STAG1: variants seen among roughly 807,000 people sequenced by gnomAD.
STAG1 encodes STAG1 cohesin complex component, also known as cohesin subunit SA-1.
Under a neutral mutation model 170.9 loss-of-function variants are expected in STAG1, and 26 were observed. The observed-to-expected ratio is 0.15, with a 90% CI of 0.11 to 0.21. The LOEUF is 0.21. Among genes scored for constraint, STAG1 ranks in the 10% least tolerant of loss-of-function variants. The pLI, the probability that STAG1 is intolerant of heterozygous loss-of-function variation, is 1.00. For synonymous variants in STAG1, 514 were observed against 497.7 expected (o/e 1.03, Z -0.44); for missense variants, 964 against 1,509.5 (o/e 0.64, Z 5.99).
At chr3:136,723,821 G>A (rs1482966490) in intron 1 of STAG1, among the ~76,000 whole-genome samples, 132 of 139,934 alleles carry the variant, frequency 9.4e-4, no homozygotes, top group African/African-American at 3.3e-3. Context: ...CGCCCCGTCC[G>A]GGAGGGAGGT....
At chr3:136,714,140 C>T (rs113029737) in intron 1 of STAG1, among the ~76,000 whole-genome samples, 179 of 151,956 alleles carry the variant, frequency 1.2e-3, no homozygotes, top group African/African-American at 2.5e-3. Context: ...ATTGCATCAC[C>T]GCACTCCAGC....
intron 1 of STAG1, among the ~76,000 whole-genome samples, chr3:136,649,902 G>A (rs532450483): frequency 6.6e-6 from 1 of 151,888 alleles, no homozygotes; most frequent in South Asian, 2.1e-4. Flanking sequence ...TGAGTAGCTG[G>A]GACTACAGGC....
intron 9 of STAG1, among the ~76,000 whole-genome samples, chr3:136,492,891 G>C (rs1293783560): frequency 6.6e-6 from 1 of 152,128 alleles, no homozygotes; most frequent in Non-Finnish European, 1.5e-5. Flanking sequence ...AGGTGGGTTA[G>C]TAACTAATGT....
chr3:136,395,724 C>T (rs1032488782), intron 22 of STAG1, among the ~76,000 whole-genome samples: 2 of 152,128 alleles, frequency 1.3e-5, no homozygotes, highest in Non-Finnish European at 2.9e-5. Context: ...TCTAAATTTG[C>T]TAAATGCAAT....
chr3:136,689,903 G>A (rs111264041), intron 1 of STAG1, among the ~76,000 whole-genome samples: 11 of 151,828 alleles, frequency 7.2e-5, no homozygotes, highest in African/African-American at 1.9e-4. Flanking sequence ...TTAGCCAGGC[G>A]TGGTGGCGCA....
At chr3:136,569,920 A>T (rs1251564756) in intron 4 of STAG1, among the ~76,000 whole-genome samples, 1 of 152,146 alleles carries the variant, frequency 6.6e-6, no homozygotes, top group East Asian at 1.9e-4. Context: ...AAAGTCTGAG[A>T]GTCTTGCCAA....
At chr3:136,592,780 G>A (rs541926409) in intron 4 of STAG1, among the ~76,000 whole-genome samples, 7 of 152,168 alleles carry the variant, frequency 4.6e-5, no homozygotes, top group Non-Finnish European at 8.8e-5. Flanking sequence ...ACTGCATTCT[G>A]GGGCTGCCAC....
chr3:136,526,807 G>C (rs1179442936), intron 6 of STAG1, among the ~76,000 whole-genome samples: 1 of 152,136 alleles, frequency 6.6e-6, no homozygotes, highest in Non-Finnish European at 1.5e-5. Flanking sequence ...AAATCTCTTA[G>C]CATTTGTTTG....
At chr3:136,423,147 T>G (rs2088008776) in intron 16 of STAG1, 103 bp from the exon 17 acceptor site, 4 of 701,646 alleles carry the variant, frequency 5.7e-6, no homozygotes, top group Non-Finnish European at 8.8e-6. Context: ...ACCACAAATT[T>G]TAAGAGAAAC....
At chr3:136,583,525 A>G (rs1937649586) in intron 4 of STAG1, among the ~76,000 whole-genome samples, 1 of 152,194 alleles carries the variant, frequency 6.6e-6, no homozygotes, top group Non-Finnish European at 1.5e-5. Context: ...GCAGTAGCTC[A>G]TGCCTGTAAT....
chr3:136,545,763 T>C (rs1017943304), intron 5 of STAG1, among the ~76,000 whole-genome samples: 1 of 152,170 alleles, frequency 6.6e-6, no homozygotes, highest in East Asian at 1.9e-4. Context: ...TTTTGATACT[T>C]ATAAATTTTT....
chr3:136,719,030 G>A lies in STAG1; in HGVS notation c.-84+33165C>T, dbSNP rs141087730. Among the ~76,000 whole-genome samples the A allele has an allele frequency of 4.7e-3, 720 of 152,186 alleles. 3 individuals are homozygous for A. Among genetic ancestry groups the A allele is most frequent in the Middle Eastern group, 0.017 (5 of 294 alleles). Reference sequence around the variant, plus strand: ...TTAAACATAAATTTACTACATGACCGAGCAATTCCAATCCTAGGTATCTGC... The same window carrying A: ...TTAAACATAAATTTACTACATGACCAAGCAATTCCAATCCTAGGTATCTGC... On this transcript the variant is annotated intron_variant, in intron 1 of 33. Coordinates refer to ENST00000383202, the MANE Select transcript of STAG1 (RefSeq NM_005862.3).
At chr3:136,474,421 C>T (rs2089695851) in intron 10 of STAG1, among the ~76,000 whole-genome samples, 1 of 152,196 alleles carries the variant, frequency 6.6e-6, no homozygotes. Context: ...CACCCTGATA[C>T]TCAGGTTTCT....
At chr3:136,467,981 T>G (rs1389572424) in intron 12 of STAG1, among the ~76,000 whole-genome samples, 1 of 150,440 alleles carries the variant, frequency 6.6e-6, no homozygotes, top group Non-Finnish European at 1.5e-5. Context: ...GGCACAAACC[T>G]GAATCTTTGG....
chr3:136,448,911 C>G (rs1383541740), intron 14 of STAG1, among the ~76,000 whole-genome samples: 4 of 151,466 alleles, frequency 2.6e-5, no homozygotes, highest in African/African-American at 9.7e-5. Flanking sequence ...TGCACTCCAG[C>G]AAGACTCCAT....
At chr3:136,601,745 G>A (rs1938686751) in intron 4 of STAG1, among the ~76,000 whole-genome samples, 1 of 152,140 alleles carries the variant, frequency 6.6e-6, no homozygotes, top group Admixed American at 6.6e-5. Flanking sequence ...GTTGAGGCAG[G>A]AGAATCGCTT....
intron 2 of STAG1, among the ~76,000 whole-genome samples, chr3:136,629,330 T>C (rs1940232482): frequency 6.6e-6 from 1 of 152,124 alleles, no homozygotes; most frequent in African/African-American, 2.4e-5. Context: ...CATTAAGTAC[T>C]TTTCTGGAGG....
chr3:136,433,417 A>C, intron 16 of STAG1, 139 bp downstream of exon 16: 1 of 668,078 alleles, frequency 1.5e-6, no homozygotes, highest in Admixed American at 3.2e-5. Context: ...TATAGGATAT[A>C]AAGATGAAGC....
intron 15 of STAG1, among the ~76,000 whole-genome samples, chr3:136,435,425 C>A (rs1024275957): frequency 1.3e-5 from 2 of 152,084 alleles, no homozygotes; most frequent in Non-Finnish European, 2.9e-5. Flanking sequence ...TTAAGCACTA[C>A]GCTATACTGT....
Sources: gnomAD v4.1 joint callset for allele counts (sites outside exome capture counted in the v4.1 genomes callset) on GRCh38, gnomAD v4.1.1 for gene constraint, MANE v1.5 for transcripts, NCBI Gene and HGNC (gene_info 2026-07-23, HGNC 2026-07-21) for gene names.